CUX2: variants seen among roughly 807,000 people sequenced by gnomAD.
CUX2 encodes the protein homeobox protein cut-like 2.
Under a neutral mutation model 144.8 loss-of-function variants are expected in CUX2, and 40 were observed. The observed-to-expected ratio is 0.28, with a 90% confidence interval of 0.21 to 0.36. The LOEUF (loss-of-function observed/expected upper bound fraction) is 0.36, where lower values mean the gene tolerates loss of function less well. Ranked by LOEUF, CUX2 falls within the 10% of genes least tolerant of loss-of-function variation. CUX2 has a pLI of 1.00. For synonymous variants in CUX2, 827 were observed against 875.6 expected (o/e 0.94, Z 0.98); for missense variants, 1,615 against 1,994.0 (o/e 0.81, Z 3.62).
intron 1 of CUX2, among the ~76,000 whole-genome samples, chr12:111,164,416 A>C (rs1314714353): frequency 6.6e-6 from 1 of 151,840 alleles, no homozygotes; most frequent in African/African-American, 2.4e-5. Context: ...TCTCTACTAA[A>C]AATACAAAAA....
intron 1 of CUX2, among the ~76,000 whole-genome samples, chr12:111,054,534 G>A (rs1870430351): frequency 6.6e-6 from 1 of 152,142 alleles, no homozygotes; most frequent in Non-Finnish European, 1.5e-5. Flanking sequence ...TTTATTTCTA[G>A]TTTAACAAGC....
intron 10 of CUX2, among the ~76,000 whole-genome samples, chr12:111,305,666 G>GA (rs35199641): frequency 1.5e-4 from 23 of 149,230 alleles, no homozygotes; most frequent in Non-Finnish European, 2.2e-4. Flanking sequence ...TCCTGTCTCT[G>GA]AAAAAAAAAA....
At position 111,295,557 on chromosome 12, in the gene CUX2, A is replaced by G. The variant is rs568774895; in HGVS notation, c.637+148A>G. On this transcript the variant is annotated intron_variant, in intron 7 of 21. Coordinates refer to ENST00000261726, the MANE Select transcript of CUX2 (RefSeq NM_015267.4). The surrounding 1 kb of genome is among the most constrained non-coding windows in gnomAD (Gnocchi z 5.0). The stretch of plus-strand genomic sequence containing the variant: ...GAGTTTGGGAAGAATAATCTTACCC[A>G]GTGGGGGGCTGAGCCTCTATGCCCC... 40 of 656,726 alleles carry G rather than the reference A, an allele frequency of 6.1e-5. 2 individuals are homozygous for G. In the South Asian group the frequency reaches 8.8e-4, roughly 14 times the overall value. 40.7% of individuals were successfully genotyped at this position (656,726 alleles called of 1,614,324 possible). A position where few individuals can be genotyped will look rare whatever the true frequency, so the allele number is the denominator to read the frequency against.
At chr12:111,184,766 G>GAA (rs1879410161) in intron 1 of CUX2, among the ~76,000 whole-genome samples, 1 of 151,766 alleles carries the variant, frequency 6.6e-6, no homozygotes. Flanking sequence ...CAAAAGAAAA[G>GAA]AAAATGACAC....
chr12:111,117,245 A>G (rs148142354), intron 1 of CUX2, among the ~76,000 whole-genome samples: 1 of 152,360 alleles, frequency 6.6e-6, no homozygotes, highest in East Asian at 1.9e-4. Context: ...GCTAAACTTA[A>G]CAAAGCAACT....
At chr12:111,092,434 T>G (rs898200768) in intron 1 of CUX2, among the ~76,000 whole-genome samples, 4 of 152,128 alleles carry the variant, frequency 2.6e-5, no homozygotes, top group African/African-American at 9.7e-5. Context: ...AATTTTCATC[T>G]CTGTAAATTG....
intron 4 of CUX2, among the ~76,000 whole-genome samples, chr12:111,276,189 C>CA (rs1214040333): frequency 6.6e-6 from 1 of 151,940 alleles, no homozygotes; most frequent in Non-Finnish European, 1.5e-5. Context: ...TCTGTCTCTA[C>CA]AAAAAATTTT....
intron 19 of CUX2, among the ~76,000 whole-genome samples, chr12:111,336,454 G>GTGTGTC (rs1888358631): frequency 1.5e-5 from 2 of 136,770 alleles, no homozygotes; most frequent in South Asian, 4.6e-4. Flanking sequence ...GTGTGTGTGT[G>GTGTGTC]TGTGTTTAAG....
intron 1 of CUX2, among the ~76,000 whole-genome samples, chr12:111,177,586 T>C (rs111843358): frequency 0.024 from 3,654 of 152,334 alleles, 159 homozygotes; most frequent in African/African-American, 0.084. Context: ...AGATGGGATT[T>C]CACTGTGTTG....
intron 1 of CUX2, among the ~76,000 whole-genome samples, chr12:111,104,924 G>T (rs905915803): frequency 6.6e-6 from 1 of 152,170 alleles, no homozygotes; most frequent in African/African-American, 2.4e-5. Flanking sequence ...GACAGGGATA[G>T]GGAGGGGACC....
At position 111,249,423 on chromosome 12, in the gene CUX2, TA is replaced by T. The variant is rs1305473751; in HGVS notation, c.223-14335del. ...GCCTTTTTTTTTTTTTTTTTTTTTT[TA>T]AATTAATAGACCCTTTTTTTGTTTT... On this transcript the variant is annotated intron_variant, in intron 3 of 21. Transcript: ENST00000261726. Among the ~76,000 whole-genome samples the T allele has an allele frequency of 6.4e-4, 90 of 140,538 alleles. 1 individual carries two copies. Among genetic ancestry groups the T allele is most frequent in the African/African-American group, 2.4e-3 (84 of 35,196 alleles). The allele number at this position is 140,538 out of a possible 152,430, so 92.2% of individuals were successfully genotyped here. A position where few individuals can be genotyped will look rare whatever the true frequency, so the allele number is the denominator to read the frequency against.
intron 3 of CUX2, among the ~76,000 whole-genome samples, chr12:111,229,850 A>G (rs1171031597): frequency 1.3e-5 from 2 of 151,962 alleles, no homozygotes; most frequent in Non-Finnish European, 2.9e-5. Context: ...GTGAAACCCC[A>G]TCTCTACAAA....
At chr12:111,297,211 C>T (rs1886055792) in intron 8 of CUX2, among the ~76,000 whole-genome samples, 3 of 151,666 alleles carry the variant, frequency 2.0e-5, no homozygotes, top group Admixed American at 2.0e-4. Context: ...CACGCCTCCT[C>T]CCTCTGATCA....
At chr12:111,083,508 C>T (rs1301055938) in intron 1 of CUX2, among the ~76,000 whole-genome samples, 1 of 151,976 alleles carries the variant, frequency 6.6e-6, no homozygotes, top group East Asian at 1.9e-4. Context: ...GGGTGCCATC[C>T]AGGGCTTAAC....
chr12:111,190,787 T>G lies in CUX2; in HGVS notation c.64-23413T>G, dbSNP rs1296291574. Among the ~76,000 whole-genome samples, 1 of 152,018 alleles carries G rather than the reference T, an allele frequency of 6.6e-6. No individual in the cohort carries two copies. The highest frequency in any genetic ancestry group is 2.4e-5 in the African/African-American group (1 of 41,368). On this transcript the variant is annotated intron_variant, in intron 1 of 21. Coordinates refer to ENST00000261726, the MANE Select transcript of CUX2 (RefSeq NM_015267.4). The surrounding 1 kb of genome is among the most constrained non-coding windows in gnomAD (Gnocchi z 4.0). ...TTGATCAGTGAAGATCTCTCACTGTTGGGTCTGCTGCTACCCCAAAGCTGA... is the reference window on the plus strand; with the variant it reads ...TTGATCAGTGAAGATCTCTCACTGTGGGGTCTGCTGCTACCCCAAAGCTGA...
At chr12:111,296,403 C>A in intron 7 of CUX2, 70 bp from the exon 8 acceptor site, 1 of 1,424,698 alleles carries the variant, frequency 7.0e-7, no homozygotes. Flanking sequence ...GAGTGGGCTC[C>A]ACCTCCCTGG....
chr12:111,145,566 A>C (rs968939590), intron 1 of CUX2, among the ~76,000 whole-genome samples: 3 of 152,030 alleles, frequency 2.0e-5, no homozygotes, highest in Non-Finnish European at 4.4e-5. Context: ...CGGTCTCCCT[A>C]TCTGTTGCCC....
At chr12:111,079,585 T>A (rs1871752192) in intron 1 of CUX2, among the ~76,000 whole-genome samples, 1 of 152,200 alleles carries the variant, frequency 6.6e-6, no homozygotes, top group African/African-American at 2.4e-5. Flanking sequence ...TAGTGAGACC[T>A]AGAAGAGCAA....
intron 3 of CUX2, among the ~76,000 whole-genome samples, chr12:111,228,898 G>A (rs1479764258): frequency 1.3e-5 from 2 of 152,108 alleles, no homozygotes; most frequent in Non-Finnish European, 2.9e-5. Flanking sequence ...ATCGTCATCT[G>A]TAAAATGGTC....
Sources: allele counts gnomAD v4.1 joint callset (sites outside exome capture counted in the v4.1 genomes callset), GRCh38; gene constraint gnomAD v4.1.1; non-coding constraint Gnocchi (gnomAD v3.1); transcripts MANE v1.5; gene names NCBI Gene and HGNC (gene_info 2026-07-23, HGNC 2026-07-21).